The following DEUP1 variants were observed in gnomAD, a reference collection of about 807,000 sequenced individuals.
The protein encoded by DEUP1 is deuterosome assembly protein 1, also known as coiled-coil domain containing 67.
Under a neutral mutation model 87.4 loss-of-function variants are expected in DEUP1, and 82 were observed. That is an observed-to-expected ratio of 0.94 (90% CI 0.78 to 1.13). The LOEUF (loss-of-function observed/expected upper bound fraction) is 1.13. DEUP1 is among the 50% of genes most tolerant of loss of function. The probability of loss-of-function intolerance (pLI) is 0.00; values close to 1 mark genes in which losing one functional copy is unlikely to be tolerated. For missense variants in DEUP1, 663 were observed against 681.5 expected (o/e 0.97, Z 0.30); for synonymous variants, 214 against 222.7 (o/e 0.96, Z 0.35).
intron 1 of DEUP1, among the ~76,000 whole-genome samples, chr11:93,331,191 A>C (rs1215824844): frequency 6.6e-6 from 1 of 151,856 alleles, no homozygotes; most frequent in Non-Finnish European, 1.5e-5. Flanking sequence ...GTCTCTCTTA[A>C]AACTCTTCGA....
At chr11:93,368,679 G>A (rs541504252) in intron 5 of DEUP1, among the ~76,000 whole-genome samples, 3 of 152,336 alleles carry the variant, frequency 2.0e-5, no homozygotes, top group East Asian at 1.9e-4. Context: ...GCTCACGCCT[G>A]TAATCCCAGC....
intron 13 of DEUP1, among the ~76,000 whole-genome samples, chr11:93,428,427 A>G (rs1947999473): frequency 6.8e-6 from 1 of 147,860 alleles, no homozygotes; most frequent in Admixed American, 6.8e-5. Flanking sequence ...AGGGAACATC[A>G]CACTCTGGAG....
chr11:93,371,104 G>C lies in DEUP1; in HGVS notation c.613G>C (p.Glu205Gln). 6.2e-7 allele frequency: 1 copy of C among 1,612,722 alleles called. No homozygotes were observed. The highest frequency in any genetic ancestry group is 1.1e-5 in the South Asian group (1 of 90,892). ...KKQCLEDSSS[E>Q]IPRLICDPDP... The stretch of plus-strand genomic sequence containing the variant: ...ACAGTGCTTAGAAGACAGCAGCTCT[G>C]AAATTCCTCGTTTGATATGTGACCC... Residue 205 changes from glutamate (E) to glutamine (Q), a missense_variant, in exon 7 of 14, where the codon GAA becomes CAA. By Grantham distance (29) the Glu-to-Gln change is conservative. Transcript: ENST00000298050.
intron 2 of DEUP1, among the ~76,000 whole-genome samples, chr11:93,352,783 AG>A (rs1944689651): frequency 6.6e-6 from 1 of 152,144 alleles, no homozygotes; most frequent in African/African-American, 2.4e-5. Context: ...AGATCTTGTG[AG>A]ACTTATTCAC....
intron 13 of DEUP1, among the ~76,000 whole-genome samples, chr11:93,434,956 T>G (rs1948200201): frequency 1.3e-5 from 2 of 152,192 alleles, no homozygotes; most frequent in South Asian, 4.1e-4. Flanking sequence ...TCTATCATGT[T>G]AGCATCCTCT....
chr11:93,362,521 C>T (rs1020442958), intron 4 of DEUP1, among the ~76,000 whole-genome samples: 3 of 151,742 alleles, frequency 2.0e-5, no homozygotes, highest in Non-Finnish European at 3.0e-5. Context: ...TTCACATCCA[C>T]TAGGATGGTT....
intron 9 of DEUP1, among the ~76,000 whole-genome samples, chr11:93,393,665 AT>A (rs988526269): frequency 8.6e-5 from 13 of 151,754 alleles, no homozygotes; most frequent in Non-Finnish European, 1.6e-4. Flanking sequence ...ATGGACTATG[AT>A]TTTTTTTTAG....
intron 7 of DEUP1, among the ~76,000 whole-genome samples, chr11:93,377,010 A>C (rs1366771876): frequency 1.3e-5 from 2 of 152,148 alleles, no homozygotes; most frequent in East Asian, 3.9e-4. Flanking sequence ...GTTTTCTTAA[A>C]TATGTTGAGA....
intron 2 of DEUP1, among the ~76,000 whole-genome samples, chr11:93,343,919 G>C (rs1944200631): frequency 6.6e-6 from 1 of 152,134 alleles, no homozygotes; most frequent in South Asian, 2.1e-4. Flanking sequence ...GAAATGAATG[G>C]ATTGAATGTG....
intron 13 of DEUP1, among the ~76,000 whole-genome samples, chr11:93,431,658 G>A (rs1348066924): frequency 6.6e-6 from 1 of 152,168 alleles, no homozygotes; most frequent in Non-Finnish European, 1.5e-5. Flanking sequence ...GGGTAGAAGA[G>A]GAGACAACTA....
intron 10 of DEUP1, among the ~76,000 whole-genome samples, chr11:93,394,925 C>T (rs1946890860): frequency 6.6e-6 from 1 of 151,782 alleles, no homozygotes; most frequent in Non-Finnish European, 1.5e-5. Context: ...GATCACCTCC[C>T]ACAGTACACT....
intron 13 of DEUP1, among the ~76,000 whole-genome samples, chr11:93,435,602 G>A (rs564793469): frequency 2.6e-5 from 4 of 152,092 alleles, no homozygotes; most frequent in Non-Finnish European, 5.9e-5. Context: ...CTTCTAGTAT[G>A]GGATCTACCA....
At chr11:93,352,236 C>T in intron 2 of DEUP1, 2 of 645,978 alleles carry the variant, frequency 3.1e-6, no homozygotes, top group Non-Finnish European at 5.7e-6. Flanking sequence ...AGAAGCCTCA[C>T]TACCATCATT....
intron 2 of DEUP1, among the ~76,000 whole-genome samples, chr11:93,351,785 C>T (rs1045137655): frequency 3.9e-5 from 6 of 152,144 alleles, no homozygotes; most frequent in African/African-American, 1.4e-4. Context: ...TAAAACAAAC[C>T]TCTCTGATGT....
At chr11:93,403,278 T>A (rs2605574) in intron 11 of DEUP1, among the ~76,000 whole-genome samples, 1 of 151,580 alleles carries the variant, frequency 6.6e-6, no homozygotes, top group African/African-American at 2.4e-5. Context: ...AGTAATATTG[T>A]AAGTATCAGT....
In DEUP1 at chr11:93,371,064, A is replaced by C; in HGVS notation, c.573A>C (p.Gln191His). 6.2e-7 allele frequency: 1 copy of C among 1,611,738 alleles called. No individual in the cohort carries two copies. Among genetic ancestry groups the C allele is most frequent in the Non-Finnish European group, 8.5e-7 (1 of 1,178,652 alleles). ...AACAGGCACAAAGTTACCAAACTCAACTAAATGGTAAAAAACAGTGCTTAG... is the reference window on the plus strand; with the variant it reads ...AACAGGCACAAAGTTACCAAACTCACCTAAATGGTAAAAAACAGTGCTTAG... ...FQKQAQSYQTQLNGKKQCLED... is the reference protein window; with the variant it reads ...FQKQAQSYQTHLNGKKQCLED... Residue 191 changes from glutamine to histidine, a missense_variant, in exon 7 of 14, where the codon CAA becomes CAC. Transcript: ENST00000298050.
rs149895353 is a variant in DEUP1, at chr11:93,357,131, G to A, written c.297+88G>A. ...TTGTGTTAACTTTAAACTGTTTTCAGTATAAACAAATGTCTTGTATTTTAA... is the reference window on the plus strand; with the variant it reads ...TTGTGTTAACTTTAAACTGTTTTCAATATAAACAAATGTCTTGTATTTTAA... On this transcript the variant is annotated intron_variant, in intron 4 of 13. Coordinates refer to ENST00000298050, the MANE Select transcript of DEUP1 (RefSeq NM_181645.4). 2.1e-4 allele frequency: 160 copies of A among 776,870 alleles called. No individual in the cohort carries two copies. In the East Asian group the frequency reaches 4.5e-3, roughly 22 times the overall value. 48.1% of individuals were successfully genotyped at this position (776,870 alleles called of 1,614,324 possible). A position where few individuals can be genotyped will look rare whatever the true frequency, so the allele number is the denominator to read the frequency against.
At chr11:93,414,113 G>T (rs1369340158) in intron 12 of DEUP1, among the ~76,000 whole-genome samples, 3 of 152,126 alleles carry the variant, frequency 2.0e-5, no homozygotes, top group South Asian at 2.1e-4. Flanking sequence ...GAGAGATAAA[G>T]TTACCTGCTC....
chr11:93,374,767 T>C (rs952972894), intron 7 of DEUP1, among the ~76,000 whole-genome samples: 11 of 152,282 alleles, frequency 7.2e-5, no homozygotes, highest in African/African-American at 2.6e-4. Flanking sequence ...CAGGCTCTTT[T>C]TTTGGTTCCA....
Sources: gnomAD v4.1 joint callset for allele counts (sites outside exome capture counted in the v4.1 genomes callset) on GRCh38, gnomAD v4.1.1 for gene constraint, MANE v1.5 for transcripts, NCBI Gene and HGNC (gene_info 2026-07-23, HGNC 2026-07-21) for gene names.